DOCK3: variants seen among roughly 807,000 people sequenced by gnomAD.
DOCK3 encodes the protein dedicator of cytokinesis protein 3.
DOCK3 carries 60 observed loss-of-function variants against 265.6 expected under a neutral mutation model. That is an observed-to-expected ratio of 0.23 (90% CI 0.18 to 0.28). The LOEUF (loss-of-function observed/expected upper bound fraction) is 0.28. DOCK3 is among the 10% of genes least tolerant of loss of function. The pLI is 1.00. For missense variants in DOCK3, 1,981 were observed against 2,594.3 expected, an observed-to-expected ratio of 0.76 and a Z score of 5.14; for synonymous variants, 881 against 938.0, an observed-to-expected ratio of 0.94 and a Z score of 1.11.
intron 5 of DOCK3, among the ~76,000 whole-genome samples, chr3:50,988,145 A>C (rs550321169): frequency 6.6e-6 from 1 of 152,226 alleles, no homozygotes; most frequent in South Asian, 2.1e-4. Context: ...CTGAGGGGAG[A>C]GGGAGCTGCC....
At chr3:50,941,136 G>A (rs1193136493) in intron 5 of DOCK3, among the ~76,000 whole-genome samples, 2 of 152,074 alleles carry the variant, frequency 1.3e-5, no homozygotes, top group Non-Finnish European at 2.9e-5. Flanking sequence ...GAAAAGGTAA[G>A]CCATATACTG....
chr3:50,841,721 GA>G lies in DOCK3; in HGVS notation c.162+10del. The G allele has an allele frequency of 8.2e-7, 1 of 1,213,718 alleles. No homozygotes were observed. Among genetic ancestry groups the G allele is most frequent in the Non-Finnish European group, 1.1e-6 (1 of 889,918 alleles). The allele number at this position is 1,213,718 out of a possible 1,614,324, so 75.2% of individuals were successfully genotyped here. A position where few individuals can be genotyped will look rare whatever the true frequency, so the allele number is the denominator to read the frequency against. ...CAAAGAAGCCAAATGTGAAGGTAAT[GA>G]AAAGTTTATTGTTACCTTTTCTAAT... On this transcript the variant is annotated splice_region_variant and intron_variant, in intron 3 of 52. Transcript: ENST00000266037.
chr3:50,991,729 A>G, intron 5 of DOCK3, among the ~76,000 whole-genome samples: 1 of 152,120 alleles, frequency 6.6e-6, no homozygotes, highest in African/African-American at 2.4e-5. Flanking sequence ...TCTACATTGG[A>G]CCAATTGCAT....
chr3:51,246,299 C>T (rs2078840467), intron 21 of DOCK3, among the ~76,000 whole-genome samples: 1 of 145,510 alleles, frequency 6.9e-6, no homozygotes, highest in Non-Finnish European at 1.5e-5. Context: ...GTGGCGCAGT[C>T]ATGGCTCACT....
Position 50,734,642 on chromosome 3 carries a change from G to A in DOCK3, c.38-44033G>A, listed in dbSNP as rs566585596. On this transcript the variant is annotated intron_variant, in intron 1 of 52. Coordinates refer to ENST00000266037, the MANE Select transcript of DOCK3 (RefSeq NM_004947.5). ...TTTTGAGATGGAGTCTCACTCTGTC[G>A]CCCAGGCTGGAGTGCAGTGGTGTGA... is the stretch of plus-strand genomic sequence containing the variant. 3.8e-3 allele frequency among the ~76,000 whole-genome samples: 425 copies of A among 110,810 alleles called. 9 individuals are homozygous for A. The highest frequency in any genetic ancestry group is 0.014 in the African/African-American group (383 of 27,762). 72.7% of individuals were successfully genotyped at this position (110,810 alleles called of 152,430 possible).
chr3:51,114,549 G>A (rs1482506141), intron 9 of DOCK3, among the ~76,000 whole-genome samples: 1 of 152,230 alleles, frequency 6.6e-6, no homozygotes, highest in African/African-American at 2.4e-5. Flanking sequence ...GAATGAAAGA[G>A]CAGTGTAGGA....
intron 5 of DOCK3, among the ~76,000 whole-genome samples, chr3:51,012,759 G>C (rs993746263): frequency 6.6e-6 from 1 of 152,200 alleles, no homozygotes; most frequent in Non-Finnish European, 1.5e-5. Flanking sequence ...GCTGTAGACT[G>C]GAGTTGTTCC....
intron 19 of DOCK3, among the ~76,000 whole-genome samples, chr3:51,235,093 A>G (rs1355569269): frequency 2.6e-5 from 4 of 152,248 alleles, no homozygotes; most frequent in African/African-American, 9.6e-5. Flanking sequence ...CATTAACTCA[A>G]TAATACACAA....
intron 3 of DOCK3, among the ~76,000 whole-genome samples, chr3:50,868,270 C>T (rs566539922): frequency 6.6e-6 from 1 of 152,198 alleles, no homozygotes; most frequent in East Asian, 1.9e-4. Context: ...GACAGGGTTT[C>T]ACCATGTTGG....
chr3:50,967,248 G>A lies in DOCK3; in HGVS notation c.315+33171G>A, dbSNP rs112752300. ...TGAGATCCACTTTTTTAGCTCCCACGTATGAGTGACAACATGTGATATTTG... is the reference window on the plus strand; with the variant it reads ...TGAGATCCACTTTTTTAGCTCCCACATATGAGTGACAACATGTGATATTTG... On this transcript the variant is annotated intron_variant, in intron 5 of 52. Transcript: ENST00000266037. Among the ~76,000 whole-genome samples, 19 of 152,030 alleles carry A rather than the reference G, an allele frequency of 1.2e-4. 2 individuals are homozygous for A. The highest frequency in any genetic ancestry group is 3.4e-4 in the African/African-American group (14 of 41,458).
At chr3:50,895,865 C>T (rs1559781979) in intron 4 of DOCK3, among the ~76,000 whole-genome samples, 1 of 152,102 alleles carries the variant, frequency 6.6e-6, no homozygotes, top group Non-Finnish European at 1.5e-5. Context: ...TTTATGGCTG[C>T]ATAGTATTCC....
chr3:50,676,718 TG>T (rs1191690126), intron 1 of DOCK3, among the ~76,000 whole-genome samples: 7 of 1,946 alleles, frequency 3.6e-3, no homozygotes, highest in African/African-American at 2.1e-3. Context: ...TTGGCGGGGG[TG>T]GGGGCGTGGG....
chr3:50,835,776 T>C (rs554037324), intron 2 of DOCK3, among the ~76,000 whole-genome samples: 3 of 152,304 alleles, frequency 2.0e-5, no homozygotes, highest in East Asian at 1.9e-4. Context: ...GGAAACCTTA[T>C]GGAACAAGAC....
At chr3:50,892,943 A>G (rs1164000830) in intron 4 of DOCK3, among the ~76,000 whole-genome samples, 2 of 152,210 alleles carry the variant, frequency 1.3e-5, no homozygotes, top group East Asian at 3.9e-4. Context: ...ATTTTAGAGT[A>G]CTGCCACAGG....
At chr3:51,223,629 A>G (rs376150282) in intron 14 of DOCK3, among the ~76,000 whole-genome samples, 27 of 152,298 alleles carry the variant, frequency 1.8e-4, no homozygotes, top group East Asian at 5.8e-4. Context: ...TAAATTCCAT[A>G]GGAAAACTAA....
intron 6 of DOCK3, among the ~76,000 whole-genome samples, chr3:51,069,972 G>C (rs928778831): frequency 6.6e-6 from 1 of 152,160 alleles, no homozygotes; most frequent in South Asian, 2.1e-4. Flanking sequence ...GTACCTGGTG[G>C]TGTGCTCACT....
intron 3 of DOCK3, among the ~76,000 whole-genome samples, chr3:50,855,840 C>T (rs1273677842): frequency 6.6e-6 from 1 of 152,008 alleles, no homozygotes; most frequent in East Asian, 1.9e-4. Flanking sequence ...CCTCCCTTTA[C>T]CCCCACCCCT....
At chr3:50,978,085 T>G (rs1040120768) in intron 5 of DOCK3, among the ~76,000 whole-genome samples, 7 of 152,112 alleles carry the variant, frequency 4.6e-5, no homozygotes, top group Admixed American at 3.9e-4. Context: ...TGCCTTTGGT[T>G]TGAGTGTCCT....
intron 10 of DOCK3, among the ~76,000 whole-genome samples, chr3:51,153,987 A>T (rs1302786810): frequency 6.6e-6 from 1 of 152,208 alleles, no homozygotes; most frequent in East Asian, 1.9e-4. Context: ...GGATAGTTTC[A>T]CAGTGTCACT....
Sources: gnomAD v4.1 joint callset for allele counts (sites outside exome capture counted in the v4.1 genomes callset) on GRCh38, gnomAD v4.1.1 for gene constraint, MANE v1.5 for transcripts, NCBI Gene and HGNC (gene_info 2026-07-23, HGNC 2026-07-21) for gene names.